Variants in FAM219A observed in about 807,000 individuals in gnomAD.
FAM219A encodes family with sequence similarity 219 member A, also known as protein FAM219A.
A neutral mutation model predicts 23.4 loss-of-function variants in FAM219A; 7 were observed. The observed-to-expected ratio is 0.30, with a 90% CI of 0.17 to 0.56. FAM219A has a LOEUF of 0.56. Ranked by LOEUF, FAM219A falls within the 20% of genes least tolerant of loss-of-function variation. The pLI, the probability that FAM219A is intolerant of heterozygous loss-of-function variation, is 0.92. For synonymous variants in FAM219A, 93 were observed against 99.0 expected, an observed-to-expected ratio of 0.94 and a Z score of 0.36; for missense variants, 166 against 246.9, an observed-to-expected ratio of 0.67 and a Z score of 2.20.
intron 1 of FAM219A, among the ~76,000 whole-genome samples, chr9:34,448,759 G>A (rs1214116706): frequency 2.0e-5 from 3 of 152,116 alleles, no homozygotes; most frequent in Non-Finnish European, 4.4e-5. Context: ...AGGTAAAAAT[G>A]AGAAATAGAA....
At chr9:34,401,847 C>A (rs1044741756) in intron 4 of FAM219A, 127 bp from the exon 5 acceptor site, 1 of 1,020,784 alleles carries the variant, frequency 9.8e-7, no homozygotes, top group African/African-American at 1.6e-5. Flanking sequence ...AATCTCAATA[C>A]GAACTGTGCT....
At chr9:34,442,649 C>T (rs2132005052) in intron 1 of FAM219A, among the ~76,000 whole-genome samples, 1 of 150,822 alleles carries the variant, frequency 6.6e-6, no homozygotes, top group South Asian at 2.1e-4. Context: ...CACGCCACTG[C>T]ACTCCAGCCT....
At chr9:34,401,560 G>C (rs1459902507) in intron 5 of FAM219A, 106 bp downstream of exon 5, 1 of 1,339,452 alleles carries the variant, frequency 7.5e-7, no homozygotes, top group African/African-American at 1.4e-5. Context: ...ACCCAGCCTT[G>C]CCCAGCCCTC....
intron 1 of FAM219A, among the ~76,000 whole-genome samples, chr9:34,421,015 A>T (rs1434053836): frequency 7.8e-5 from 11 of 140,442 alleles, no homozygotes; most frequent in East Asian, 2.1e-4. Context: ...TGTGTGAGAG[A>T]GAGAGAGAGA....
At position 34,417,525 on chromosome 9, in the gene FAM219A, G is replaced by T. The variant is rs186869835; in HGVS notation, c.61-11561C>A. ...GAAATCCACATATATTTACATTTAG[G>T]ATCATTTCCTAAATAAAGTAGATTA... On this transcript the variant is annotated intron_variant, in intron 1 of 5. Coordinates refer to ENST00000651358, the MANE Select transcript of FAM219A (RefSeq NM_001184940.2). This position sits in a 1 kb window ranked among gnomAD's most constrained non-coding sequence, Gnocchi z 4.1. Among the ~76,000 whole-genome samples, 1 of 152,190 alleles carries T rather than the reference G, an allele frequency of 6.6e-6. No homozygotes were observed. Among genetic ancestry groups the T allele is most frequent in the Non-Finnish European group, 1.5e-5 (1 of 68,016 alleles).
At chr9:34,413,804 C>G (rs554817327) in intron 1 of FAM219A, among the ~76,000 whole-genome samples, 1 of 152,278 alleles carries the variant, frequency 6.6e-6, no homozygotes, top group East Asian at 1.9e-4. Context: ...AAGCAGAAAT[C>G]AGGGCCAGGA....
chr9:34,409,339 T>C (rs2131938022), intron 1 of FAM219A, among the ~76,000 whole-genome samples: 1 of 152,272 alleles, frequency 6.6e-6, no homozygotes, highest in Non-Finnish European at 1.5e-5. Flanking sequence ...ATCAGGGAGA[T>C]TAAATGTAAA....
intron 2 of FAM219A, among the ~76,000 whole-genome samples, chr9:34,403,525 G>A (rs1291596222): frequency 1.3e-5 from 2 of 152,206 alleles, no homozygotes; most frequent in African/African-American, 2.4e-5. Flanking sequence ...ATTTGGCTAC[G>A]CTGCCTGAGT....
rs1823820608 is a variant in FAM219A at position 34,458,073 on chromosome 9, A to G, written c.60+131T>C. The G allele has an allele frequency of 1.3e-6, 1 of 790,750 alleles. No homozygotes were observed. Among genetic ancestry groups the G allele is most frequent in the Admixed American group, 3.5e-5 (1 of 28,598 alleles). 49.0% of individuals were successfully genotyped at this position (790,750 alleles called of 1,614,324 possible). ...GTCCTGCAAGTCCCCGTCCCCCGGC[A>G]ATACGTTTTCAGGGATCTCTTTGCC... is the stretch of plus-strand genomic sequence containing the variant. On this transcript the variant is annotated intron_variant, in intron 1 of 5. Transcript: ENST00000651358. This position sits in a 1 kb window ranked among gnomAD's most constrained non-coding sequence, Gnocchi z 6.6.
At position 34,423,478 on chromosome 9, in the gene FAM219A, CT is replaced by C. The variant is rs1195046998; in HGVS notation, c.61-17515del. Among the ~76,000 whole-genome samples the C allele has an allele frequency of 2.6e-5, 4 of 152,190 alleles. 1 individual carries two copies. The highest frequency in any genetic ancestry group is 4.4e-5 in the Non-Finnish European group (3 of 68,042). On this transcript the variant is annotated intron_variant, in intron 1 of 5. Transcript: ENST00000651358. ...AGGCAAAAAGAACAGGTCAATTTTACTAGAATGTTAATGTTAGGGGACGAAG... is the reference window on the plus strand; with the variant it reads ...AGGCAAAAAGAACAGGTCAATTTTACAGAATGTTAATGTTAGGGGACGAAG...
At chr9:34,449,895 C>T (rs1823500385) in intron 1 of FAM219A, among the ~76,000 whole-genome samples, 1 of 152,172 alleles carries the variant, frequency 6.6e-6, no homozygotes, top group African/African-American at 2.4e-5. Context: ...CTTTTTCCCT[C>T]ATGAAGCATC....
rs182209468 is a variant in FAM219A at position 34,417,178 on chromosome 9, C to G, written c.61-11214G>C. The stretch of plus-strand genomic sequence containing the variant: ...CTCACTGCCTCAGCCTCCTGAGTAC[C>G]TGGGATTACAGGCATGCACAACCAT... On this transcript the variant is annotated intron_variant, in intron 1 of 5. Transcript: ENST00000651358. The surrounding 1 kb of genome is among the most constrained non-coding windows in gnomAD (Gnocchi z 4.1). 1.7e-4 allele frequency among the ~76,000 whole-genome samples: 26 copies of G among 152,068 alleles called. No homozygotes were observed. Among genetic ancestry groups the G allele is most frequent in the African/African-American group, 6.3e-4 (26 of 41,462 alleles).
chr9:34,410,176 C>T (rs1821773569), intron 1 of FAM219A, among the ~76,000 whole-genome samples: 2 of 152,170 alleles, frequency 1.3e-5, no homozygotes, highest in South Asian at 2.1e-4. Flanking sequence ...CCTGCAGGCC[C>T]AAGCATCAGT....
chr9:34,453,812 T>C (rs376869903), intron 1 of FAM219A, among the ~76,000 whole-genome samples: 11 of 152,302 alleles, frequency 7.2e-5, no homozygotes, highest in African/African-American at 2.2e-4. Context: ...TCCTCTCCAA[T>C]TGCAGCCGAA....
intron 1 of FAM219A, among the ~76,000 whole-genome samples, chr9:34,412,900 A>G (rs1175983979): frequency 6.6e-6 from 1 of 152,214 alleles, no homozygotes; most frequent in Non-Finnish European, 1.5e-5. Flanking sequence ...GAAGAAGCAG[A>G]CAGAGTGACC....
At chr9:34,409,491 G>T (rs1007546467) in intron 1 of FAM219A, among the ~76,000 whole-genome samples, 3 of 152,212 alleles carry the variant, frequency 2.0e-5, no homozygotes, top group Admixed American at 1.3e-4. Flanking sequence ...AGATTAACAA[G>T]ATTATTAATA....
Position 34,408,255 on chromosome 9 carries a change from G to A in FAM219A, c.61-2291C>T, listed in dbSNP as rs1422193169. ...CAGCAACCTCCTTGAGAGACTAATA[G>A]ACAGCACCTGTCCTGCACAGCCTTG... On this transcript the variant is annotated intron_variant, in intron 1 of 5. Transcript: ENST00000651358. Among the ~76,000 whole-genome samples, 3 of 152,192 alleles carry A rather than the reference G, an allele frequency of 2.0e-5. No homozygotes were observed. The East Asian group carries it at 5.8e-4, about 29-fold the overall frequency.
At chr9:34,446,324 G>A (rs564993439) in intron 1 of FAM219A, among the ~76,000 whole-genome samples, 1 of 152,340 alleles carries the variant, frequency 6.6e-6, no homozygotes, top group African/African-American at 2.4e-5. Context: ...GATGCATGAA[G>A]AAGATGGTGC....
At chr9:34,438,051 GA>G (rs2131994077) in intron 1 of FAM219A, among the ~76,000 whole-genome samples, 1 of 152,350 alleles carries the variant, frequency 6.6e-6, no homozygotes, top group African/African-American at 2.4e-5. Flanking sequence ...CAGGGGCAAT[GA>G]GGGGCTTAGC....
Sources: gnomAD v4.1 joint callset for allele counts (sites outside exome capture counted in the v4.1 genomes callset) on GRCh38, gnomAD v4.1.1 for gene constraint, Gnocchi (gnomAD v3.1) non-coding constraint, MANE v1.5 for transcripts, NCBI Gene and HGNC (gene_info 2026-07-23, HGNC 2026-07-21) for gene names.